NBPF15: variants seen among roughly 807,000 people sequenced by gnomAD.
NBPF15 encodes NBPF family member NBPF15.
NBPF15 carries 74 observed loss-of-function variants against 62.2 expected under a neutral mutation model. The ratio of observed to expected loss-of-function variants is 1.19; its 90% CI spans 0.99 to 1.44. NBPF15 has a LOEUF of 1.44. Ranked by LOEUF, NBPF15 falls within the 40% of genes most tolerant of loss-of-function variation. The pLI is 0.00. For missense variants in NBPF15, 790 were observed against 550.0 expected (o/e 1.44, Z -4.36); for synonymous variants, 244 against 209.7 (o/e 1.16, Z -1.41).
At position 144,456,235 on chromosome 1, in the gene NBPF15, G is replaced by A. The variant is rs375497512; in HGVS notation, c.-432+302C>T. On this transcript the variant is annotated intron_variant, in intron 4 of 21. Transcript: ENST00000581897. ...GACGGAAATGGGGGCAGAGAATGGGGGGTAAGAGGGGAAGAGCAAGGAGTG... is the reference window on the plus strand; with the variant it reads ...GACGGAAATGGGGGCAGAGAATGGGAGGTAAGAGGGGAAGAGCAAGGAGTG... 2.5e-4 allele frequency among the ~76,000 whole-genome samples: 37 copies of A among 150,418 alleles called. 1 individual carries two copies. In the East Asian group the frequency reaches 4.6e-3, roughly 19 times the overall value.
At chr1:144,455,027 G>A (rs1308345116) in intron 4 of NBPF15, among the ~76,000 whole-genome samples, 3 of 150,116 alleles carry the variant, frequency 2.0e-5, no homozygotes, top group South Asian at 4.2e-4. Context: ...GAGAGAGCAT[G>A]AGAGACAAAG....
intron 13 of NBPF15, among the ~76,000 whole-genome samples, chr1:144,431,426 C>A (rs1412266588): frequency 2.7e-5 from 4 of 149,300 alleles, no homozygotes; most frequent in African/African-American, 1.0e-4. Flanking sequence ...ATTCAACATT[C>A]TTTTTTTTTC....
At chr1:144,436,603 C>A (rs1291671546) in intron 10 of NBPF15, among the ~76,000 whole-genome samples, 2 of 152,014 alleles carry the variant, frequency 1.3e-5, no homozygotes, top group South Asian at 2.1e-4. Flanking sequence ...TTCACTCTAA[C>A]AAGCCTGCTC....
intron 14 of NBPF15, among the ~76,000 whole-genome samples, chr1:144,428,962 C>T (rs1232808630): frequency 1.3e-5 from 2 of 152,108 alleles, no homozygotes; most frequent in African/African-American, 4.8e-5. Context: ...AGTTCTAACA[C>T]CTCATAGGAG....
chr1:144,455,393 A>C (rs1213658185), intron 4 of NBPF15, among the ~76,000 whole-genome samples: 6 of 152,048 alleles, frequency 3.9e-5, no homozygotes, highest in Non-Finnish European at 7.4e-5. Flanking sequence ...CTAACTAGTT[A>C]TTGGAGACAG....
intron 15 of NBPF15, 134 bp downstream of exon 15, chr1:144,428,472 A>G (rs1386080242): frequency 1.6e-5 from 14 of 891,214 alleles, no homozygotes; most frequent in Non-Finnish European, 2.6e-5. Context: ...GAGAACCAAA[A>G]AGCAATGTAG....
chr1:144,445,923 C>G (rs1687205517), intron 6 of NBPF15, among the ~76,000 whole-genome samples: 1 of 135,260 alleles, frequency 7.4e-6, no homozygotes, highest in Non-Finnish European at 1.5e-5. Context: ...GTGATGCGAT[C>G]TCGGCTCACT....
intron 8 of NBPF15, among the ~76,000 whole-genome samples, chr1:144,438,951 ACT>A (rs1297458556): frequency 6.6e-6 from 1 of 150,844 alleles, no homozygotes; most frequent in African/African-American, 2.4e-5. Flanking sequence ...TCACCAAGCT[ACT>A]CTCTGCTTTT....
intron 13 of NBPF15, among the ~76,000 whole-genome samples, chr1:144,431,392 A>C (rs1173888708): frequency 5.3e-5 from 8 of 150,658 alleles, no homozygotes; most frequent in African/African-American, 7.5e-5. Flanking sequence ...CAAACCCTAC[A>C]AGCCAGAAGA....
chr1:144,451,087 G>A (rs1464947472), intron 4 of NBPF15, among the ~76,000 whole-genome samples: 2 of 151,888 alleles, frequency 1.3e-5, no homozygotes, highest in Non-Finnish European at 2.9e-5. Flanking sequence ...TCATTATCGG[G>A]CATTTCCGGA....
chr1:144,457,766 T>C (rs1248525281), intron 3 of NBPF15, among the ~76,000 whole-genome samples: 2 of 151,980 alleles, frequency 1.3e-5, no homozygotes, highest in Non-Finnish European at 2.9e-5. Flanking sequence ...TTTTAGTAAA[T>C]CTTTTAAATT....
chr1:144,431,844 A>G (rs1674596360), intron 13 of NBPF15, among the ~76,000 whole-genome samples: 1 of 143,574 alleles, frequency 7.0e-6, no homozygotes. Context: ...ATAGCTGCAT[A>G]GTATTCCATG....
At position 144,457,962 on chromosome 1, in the gene NBPF15, C is replaced by A. The variant is rs1251435075; in HGVS notation, c.-700-1157G>T. ...ATTAGCCGGGCATAGTGGTGCATGC[C>A]TGTAGACCCAGCTACTAAGGAAGCT... On this transcript the variant is annotated intron_variant, in intron 3 of 21. Coordinates refer to ENST00000581897, the MANE Select transcript of NBPF15 (RefSeq NM_001385408.1). Among the ~76,000 whole-genome samples, 5 of 151,812 alleles carry A rather than the reference C, an allele frequency of 3.3e-5. No homozygotes were observed. The Middle Eastern group carries it at 0.014, about 416-fold the overall frequency.
chr1:144,438,920 C>T (rs1680763478), intron 8 of NBPF15, among the ~76,000 whole-genome samples: 1 of 151,810 alleles, frequency 6.6e-6, no homozygotes, highest in Non-Finnish European at 1.5e-5. Flanking sequence ...ACTCTGTGCC[C>T]CAGGAAGCAG....
In NBPF15 at chr1:144,449,697, C is replaced by T. The variant is rs1416603236; in HGVS notation, c.-332-781G>A. 2.0e-5 allele frequency among the ~76,000 whole-genome samples: 3 copies of T among 151,758 alleles called. 1 individual carries two copies. The highest frequency in any genetic ancestry group is 4.2e-4 in the South Asian group (2 of 4,790). ...CAGGCTGTGGATCCTAACTAAGAAA[C>T]TCCTGCTGGATTTTGCCCAGCTCCA... is the stretch of plus-strand genomic sequence containing the variant. On this transcript the variant is annotated intron_variant, in intron 5 of 21. Transcript: ENST00000581897.
intron 13 of NBPF15, among the ~76,000 whole-genome samples, chr1:144,432,264 A>AT (rs1221863460): frequency 6.6e-6 from 1 of 151,792 alleles, no homozygotes; most frequent in Non-Finnish European, 1.5e-5. Context: ...ATGCTGAGAG[A>AT]TTTTGTCACC....
At position 144,422,872 on chromosome 1, in the gene NBPF15, G is replaced by A. The variant is rs1299011252; in HGVS notation, c.*141C>T. On this transcript the variant is annotated 3_prime_UTR_variant, in exon 22 of 22. Coordinates refer to ENST00000581897, the MANE Select transcript of NBPF15 (RefSeq NM_001385408.1). Reference sequence around the variant, plus strand: ...TTGAGCACAGGTTGCCAATGGCATGGTTTGAGAATAGGAATAGAGCCATGC... The same window carrying A: ...TTGAGCACAGGTTGCCAATGGCATGATTTGAGAATAGGAATAGAGCCATGC... 1 of 1,584,112 alleles carries A rather than the reference G, an allele frequency of 6.3e-7. No individual in the cohort carries two copies. The highest frequency in any genetic ancestry group is 8.6e-7 in the Non-Finnish European group (1 of 1,166,830).
At chr1:144,447,159 G>A (rs1262185609) in intron 6 of NBPF15, among the ~76,000 whole-genome samples, 2 of 152,304 alleles carry the variant, frequency 1.3e-5, no homozygotes, top group African/African-American at 2.4e-5. Flanking sequence ...ACAGCAGGGA[G>A]GACAAATCCA....
chr1:144,439,713 T>C (rs1402531613), intron 8 of NBPF15, 116 bp downstream of exon 8: 8 of 726,678 alleles, frequency 1.1e-5, no homozygotes, highest in African/African-American at 1.1e-4. Flanking sequence ...CCATTTCTGT[T>C]TTCCTAGAAG....
Sources: allele counts gnomAD v4.1 joint callset (sites outside exome capture counted in the v4.1 genomes callset), GRCh38; gene constraint gnomAD v4.1.1; transcripts MANE v1.5; gene names NCBI Gene and HGNC (gene_info 2026-07-23, HGNC 2026-07-21).